Variants in DSCAM observed in about 807,000 individuals in gnomAD.
The protein encoded by DSCAM is DS cell adhesion molecule, also known as cell adhesion molecule DSCAM.
Under a neutral mutation model 217.7 loss-of-function variants are expected in DSCAM, and 47 were observed. The observed-to-expected ratio is 0.22, with a 90% CI of 0.17 to 0.28. The LOEUF (loss-of-function observed/expected upper bound fraction) is 0.28, where lower values mean the gene tolerates loss of function less well. Among genes scored for constraint, DSCAM ranks in the 10% least tolerant of loss-of-function variants. The probability of loss-of-function intolerance (pLI) is 1.00; values close to 1 mark genes in which losing one functional copy is unlikely to be tolerated. For synonymous variants in DSCAM, 1,056 were observed against 1,015.3 expected (o/e 1.04, Z -0.76); for missense variants, 2,080 against 2,618.3 (o/e 0.79, Z 4.49).
At chr21:40,665,974 G>GCTTTTCCA (rs1375993869) in intron 3 of DSCAM, among the ~76,000 whole-genome samples, 9 of 9,794 alleles carry the variant, frequency 9.2e-4, no homozygotes, top group Non-Finnish European at 8.7e-3. Context: ...ATCAGCTCAG[G>GCTTTTCCA]CTTTTCCCCA....
intron 3 of DSCAM, among the ~76,000 whole-genome samples, chr21:40,506,302 C>A (rs776192476): frequency 2.0e-5 from 3 of 152,160 alleles, no homozygotes; most frequent in Non-Finnish European, 4.4e-5. Flanking sequence ...CAAATAAAAT[C>A]TTCAATTTGA....
chr21:40,651,517 T>G (rs2090013727), intron 3 of DSCAM, among the ~76,000 whole-genome samples: 1 of 152,180 alleles, frequency 6.6e-6, no homozygotes, highest in African/African-American at 2.4e-5. Flanking sequence ...CCATCTCGAT[T>G]ATCTCATCAA....
intron 5 of DSCAM, among the ~76,000 whole-genome samples, chr21:40,350,474 G>T (rs2074617327): frequency 6.6e-6 from 1 of 151,968 alleles, no homozygotes; most frequent in Non-Finnish European, 1.5e-5. Flanking sequence ...CAAAAAGTGG[G>T]TGAAAAAAAA....
intron 11 of DSCAM, among the ~76,000 whole-genome samples, chr21:40,264,532 C>T (rs1333282030): frequency 1.3e-5 from 2 of 152,018 alleles, no homozygotes; most frequent in Admixed American, 6.6e-5. Context: ...ACTCTCAACA[C>T]ACTAGGCACA....
chr21:40,455,726 C>T (rs554230165), intron 3 of DSCAM, among the ~76,000 whole-genome samples: 1 of 152,096 alleles, frequency 6.6e-6, no homozygotes, highest in South Asian at 2.1e-4. Flanking sequence ...CTGAAATCAC[C>T]CCACTGCATT....
chr21:40,273,808 T>C (rs1047270642), intron 11 of DSCAM, among the ~76,000 whole-genome samples: 1 of 152,184 alleles, frequency 6.6e-6, no homozygotes, highest in South Asian at 2.1e-4. Flanking sequence ...TATCCTCGCA[T>C]GGTGGAAACA....
rs377664154 is a variant in DSCAM at position 40,620,226 on chromosome 21, AAAAG to A, written c.508+72580_508+72583del. Among the ~76,000 whole-genome samples the A allele has an allele frequency of 3.2e-3, 300 of 94,002 alleles. 27 individuals carry two copies. Among genetic ancestry groups the A allele is most frequent in the South Asian group, 0.02 (45 of 2,282 alleles). 61.7% of individuals were successfully genotyped at this position (94,002 alleles called of 152,430 possible). ...AAGAGAGAAAGAGAGAGAAAAAAGA[AAAAG>A]AAAGAAAGAGAGAGAAAGAGAGAGA... is the stretch of plus-strand genomic sequence containing the variant. On this transcript the variant is annotated intron_variant, in intron 3 of 32. Transcript: ENST00000400454.
At position 40,692,927 on chromosome 21, in the gene DSCAM, C is replaced by T; in HGVS notation, c.391G>A (p.Glu131Lys). Reference sequence around the variant, plus strand: ...TTGCCTCTCATGGTTTTCTGGTCCTCCACACGGACTGTATAGGGCTCCCGT... The same window carrying T: ...TTGCCTCTCATGGTTTTCTGGTCCTTCACACGGACTGTATAGGGCTCCCGT... The part of the protein sequence containing the change: ...VLREPYTVRV[E>K]DQKTMRGNVA... The change falls in exon 3 of 33, where the codon GAG (glutamate) becomes AAG (lysine). Residue 131 changes from glutamate (E) to lysine (K), a missense_variant. Glu to Lys is a moderately conservative substitution (Grantham distance 56). This residue lies in a region of DSCAM where 568 missense variants were observed against 678.1 expected (regional missense o/e 0.84). Transcript: ENST00000400454. 6.2e-7 allele frequency: 1 copy of T among 1,613,940 alleles called. No individual in the cohort carries two copies. Among genetic ancestry groups the T allele is most frequent in the Non-Finnish European group, 8.5e-7 (1 of 1,179,854 alleles).
chr21:40,473,061 G>T (rs117579498), intron 3 of DSCAM, among the ~76,000 whole-genome samples: 5,970 of 152,282 alleles, frequency 0.039, 160 homozygotes, highest in Non-Finnish European at 0.054. Context: ...TATCCATGTT[G>T]TTCTGGGGGA....
intron 3 of DSCAM, among the ~76,000 whole-genome samples, chr21:40,597,666 C>T (rs904260737): frequency 2.0e-5 from 3 of 151,896 alleles, no homozygotes; most frequent in African/African-American, 7.3e-5. Flanking sequence ...ACCACCACGC[C>T]CAGCTAATTT....
At chr21:40,102,028 G>C (rs2089758520) in intron 20 of DSCAM, among the ~76,000 whole-genome samples, 1 of 152,134 alleles carries the variant, frequency 6.6e-6, no homozygotes, top group Non-Finnish European at 1.5e-5. Context: ...TTCAGTTGCA[G>C]TGTGTAGATT....
intron 3 of DSCAM, among the ~76,000 whole-genome samples, chr21:40,648,556 T>C (rs531212412): frequency 2.0e-5 from 3 of 152,286 alleles, no homozygotes; most frequent in Non-Finnish European, 4.4e-5. Flanking sequence ...GAACCTGTCT[T>C]TCCATTTTGG....
intron 10 of DSCAM, among the ~76,000 whole-genome samples, chr21:40,286,698 T>C (rs572316931): frequency 5.7e-4 from 85 of 148,810 alleles, no homozygotes; most frequent in African/African-American, 1.9e-3. Flanking sequence ...ATCCTCAGTG[T>C]GATCTGCAGT....
chr21:40,380,393 G>GTATT (rs1397163809), intron 3 of DSCAM, among the ~76,000 whole-genome samples: 2 of 152,184 alleles, frequency 1.3e-5, no homozygotes, highest in Middle Eastern at 3.4e-3. Flanking sequence ...CTTATAAATT[G>GTATT]TATTTATTTA....
At chr21:40,838,310 A>C (rs922398318) in intron 1 of DSCAM, among the ~76,000 whole-genome samples, 2 of 152,150 alleles carry the variant, frequency 1.3e-5, no homozygotes, top group Admixed American at 6.5e-5. Context: ...GCAATCACCC[A>C]CCTGAAGTGG....
chr21:40,064,504 C>T (rs2089177085), intron 27 of DSCAM, among the ~76,000 whole-genome samples: 1 of 152,156 alleles, frequency 6.6e-6, no homozygotes, highest in Non-Finnish European at 1.5e-5. Context: ...ACAATGACTG[C>T]CATGCCGACA....
At chr21:40,814,403 A>G (rs1448205731) in intron 1 of DSCAM, among the ~76,000 whole-genome samples, 1 of 152,252 alleles carries the variant, frequency 6.6e-6, no homozygotes, top group East Asian at 1.9e-4. Context: ...CCCACACCTT[A>G]GCGTAGTAGA....
intron 3 of DSCAM, among the ~76,000 whole-genome samples, chr21:40,595,420 A>G (rs535068441): frequency 3.7e-4 from 57 of 152,076 alleles, no homozygotes; most frequent in African/African-American, 1.4e-3. Context: ...AGGAAAAGAG[A>G]AGGGAAGGGA....
At chr21:40,077,519 C>T (rs1413255151) in intron 26 of DSCAM, among the ~76,000 whole-genome samples, 1 of 152,154 alleles carries the variant, frequency 6.6e-6, no homozygotes, top group African/African-American at 2.4e-5. Context: ...AAACTGTGCT[C>T]CAAGGAGCTA....
Sources: allele counts gnomAD v4.1 joint callset (sites outside exome capture counted in the v4.1 genomes callset), GRCh38; gene constraint gnomAD v4.1.1; regional missense constraint gnomAD v4.1.1; transcripts MANE v1.5; gene names NCBI Gene and HGNC (gene_info 2026-07-23, HGNC 2026-07-21).